MARCHF11: variants seen among roughly 807,000 people sequenced by gnomAD.
MARCHF11 encodes E3 ubiquitin-protein ligase MARCHF11.
A neutral mutation model predicts 37.3 loss-of-function variants in MARCHF11; 29 were observed. The observed-to-expected ratio is 0.78, with a 90% CI of 0.58 to 1.06. The LOEUF is 1.06. MARCHF11 is among the 50% of genes least tolerant of loss of function. The probability of loss-of-function intolerance (pLI) is 0.00; values close to 1 mark genes in which losing one functional copy is unlikely to be tolerated. For synonymous variants in MARCHF11, 233 were observed against 228.0 expected, an observed-to-expected ratio of 1.02 and a Z score of -0.20; for missense variants, 482 against 533.4, an observed-to-expected ratio of 0.90 and a Z score of 0.95.
In MARCHF11 at chr5:16,160,982, G is replaced by A. The variant is rs74644318; in HGVS notation, c.693+16744C>T. Among the ~76,000 whole-genome samples the A allele has an allele frequency of 1.0e-3, 154 of 151,996 alleles. 2 individuals carry two copies. In the East Asian group the frequency reaches 0.028, roughly 28 times the overall value. ...CTGAGGACATGGATACCAACACTTA[G>A]GATGCTTGCTCCTGTAAACCCTCAG... On this transcript the variant is annotated intron_variant, in intron 2 of 3. Coordinates refer to ENST00000332432, the MANE Select transcript of MARCHF11 (RefSeq NM_001102562.3).
At chr5:16,138,470 G>A (rs1737647343) in intron 2 of MARCHF11, among the ~76,000 whole-genome samples, 1 of 152,238 alleles carries the variant, frequency 6.6e-6, no homozygotes, top group African/African-American at 2.4e-5. Flanking sequence ...TATTGCAGGG[G>A]TGGAGCCCTC....
chr5:16,087,765 A>T (rs1209230167), intron 3 of MARCHF11, among the ~76,000 whole-genome samples: 1 of 152,240 alleles, frequency 6.6e-6, no homozygotes, highest in East Asian at 1.9e-4. Flanking sequence ...TGTATTAATT[A>T]TGAATGAAAG....
At chr5:16,155,379 A>G (rs1737963686) in intron 2 of MARCHF11, among the ~76,000 whole-genome samples, 1 of 151,878 alleles carries the variant, frequency 6.6e-6, no homozygotes, top group African/African-American at 2.4e-5. Flanking sequence ...GGTAAGTAAA[A>G]GAAGGGATTT....
chr5:16,164,305 C>G (rs923374946), intron 2 of MARCHF11, among the ~76,000 whole-genome samples: 2 of 152,026 alleles, frequency 1.3e-5, no homozygotes, highest in Admixed American at 6.6e-5. Flanking sequence ...GACAACTCAA[C>G]AGTAATAGTT....
At chr5:16,116,314 G>T (rs1317756195) in intron 2 of MARCHF11, among the ~76,000 whole-genome samples, 2 of 152,036 alleles carry the variant, frequency 1.3e-5, no homozygotes, top group African/African-American at 2.4e-5. Context: ...GGGCCCAAGG[G>T]ATTCTCTCTC....
intron 2 of MARCHF11, among the ~76,000 whole-genome samples, chr5:16,172,319 A>G (rs942157076): frequency 5.9e-5 from 9 of 152,186 alleles, no homozygotes; most frequent in Non-Finnish European, 1.3e-4. Context: ...AGGTGAGAAA[A>G]TTGCCTCGTG....
intron 2 of MARCHF11, among the ~76,000 whole-genome samples, chr5:16,176,235 T>C (rs1485752447): frequency 6.6e-6 from 1 of 152,184 alleles, no homozygotes; most frequent in Non-Finnish European, 1.5e-5. Context: ...AATAGTCTTC[T>C]GTTTCAGCCA....
intron 2 of MARCHF11, among the ~76,000 whole-genome samples, chr5:16,093,304 T>C (rs1736814690): frequency 6.6e-6 from 1 of 152,192 alleles, no homozygotes; most frequent in South Asian, 2.1e-4. Flanking sequence ...TGATGTAATC[T>C]TAGGGGAGTA....
chr5:16,116,970 A>G (rs561087847), intron 2 of MARCHF11, among the ~76,000 whole-genome samples: 2 of 152,308 alleles, frequency 1.3e-5, no homozygotes, highest in East Asian at 3.9e-4. Context: ...GGACAGAGAT[A>G]ATGGGAGGGA....
chr5:16,080,088 T>C (rs1736582564), intron 3 of MARCHF11, among the ~76,000 whole-genome samples: 1 of 152,234 alleles, frequency 6.6e-6, no homozygotes, highest in Admixed American at 6.5e-5. Context: ...TCTACCCTCA[T>C]TTAACTGTGT....
chr5:16,090,823 G>T, intron 3 of MARCHF11, 66 bp downstream of exon 3: 1 of 1,273,156 alleles, frequency 7.9e-7, no homozygotes, highest in Non-Finnish European at 1.0e-6. Flanking sequence ...TCCGAATGGT[G>T]AAAACGTAAT....
intron 2 of MARCHF11, among the ~76,000 whole-genome samples, chr5:16,117,496 G>A (rs1332040081): frequency 1.3e-5 from 2 of 152,186 alleles, no homozygotes; most frequent in South Asian, 2.1e-4. Context: ...CAGCACACAT[G>A]TAGGTAATGA....
Position 16,075,586 on chromosome 5 carries a change from GGAGA to G in MARCHF11, c.887-7797_887-7794del, listed in dbSNP as rs141356580. On this transcript the variant is annotated intron_variant, in intron 3 of 3. Coordinates refer to ENST00000332432, the MANE Select transcript of MARCHF11 (RefSeq NM_001102562.3). ...AAACTCAGTCTTTGCTGAAAGAGAG[GGAGA>G]GAGAGAGAGAGAGAGAGGAGAGTAG... Among the ~76,000 whole-genome samples the G allele has an allele frequency of 3.8e-3, 569 of 148,650 alleles. 3 individuals carry two copies. Among genetic ancestry groups the G allele is most frequent in the South Asian group, 0.02 (92 of 4,668 alleles).
chr5:16,115,190 G>A (rs571546949), intron 2 of MARCHF11, among the ~76,000 whole-genome samples: 17 of 152,284 alleles, frequency 1.1e-4, no homozygotes, highest in African/African-American at 1.7e-4. Flanking sequence ...GCCAATTTAC[G>A]TAAGATAAAA....
chr5:16,106,334 T>C (rs1274062382), intron 2 of MARCHF11, among the ~76,000 whole-genome samples: 1 of 152,186 alleles, frequency 6.6e-6, no homozygotes, highest in Non-Finnish European at 1.5e-5. Flanking sequence ...GATAGCTCTA[T>C]CTACATAACA....
In MARCHF11 at chr5:16,101,247, G is replaced by T. The variant is rs547255409; in HGVS notation, c.694-10166C>A. The stretch of plus-strand genomic sequence containing the variant: ...AAGTTGAAATAAAAATGCATTTTAG[G>T]CTCCTGTAGTCCCAGCTACTCAGGA... On this transcript the variant is annotated intron_variant, in intron 2 of 3. Coordinates refer to ENST00000332432, the MANE Select transcript of MARCHF11 (RefSeq NM_001102562.3). Among the ~76,000 whole-genome samples the T allele has an allele frequency of 2.0e-5, 3 of 152,214 alleles. No homozygotes were observed. In the East Asian group the frequency reaches 5.8e-4, roughly 29 times the overall value.
rs79917496 is a variant in MARCHF11, at chr5:16,075,437, T to C, written c.887-7644A>G. ...CAGAAAATATCTGCACTGATTTCCT[T>C]ACTACCTGTACTATAATGATTTGCT... On this transcript the variant is annotated intron_variant, in intron 3 of 3. Transcript: ENST00000332432. 1.2e-3 allele frequency among the ~76,000 whole-genome samples: 184 copies of C among 152,350 alleles called. 1 individual carries two copies. The East Asian group carries it at 0.029, about 24-fold the overall frequency.
At chr5:16,141,436 A>G (rs1737705948) in intron 2 of MARCHF11, 1 of 152,256 alleles carries the variant, frequency 6.6e-6, no homozygotes, top group Non-Finnish European at 1.5e-5. Flanking sequence ...TGAGGAAAAT[A>G]AAAACAAAAC....
chr5:16,137,720 G>A (rs1308781895), intron 2 of MARCHF11, among the ~76,000 whole-genome samples: 1 of 152,150 alleles, frequency 6.6e-6, no homozygotes, highest in South Asian at 2.1e-4. Context: ...AGTCCAGTCT[G>A]AGGTGGTCTC....
Sources: gnomAD v4.1 joint callset for allele counts (sites outside exome capture counted in the v4.1 genomes callset) on GRCh38, gnomAD v4.1.1 for gene constraint, MANE v1.5 for transcripts, NCBI Gene and HGNC (gene_info 2026-07-23, HGNC 2026-07-21) for gene names.